The following PKIB variants were observed in gnomAD, a reference collection of about 807,000 sequenced individuals.
PKIB encodes the protein cAMP-dependent protein kinase inhibitor beta.
In PKIB, 2 loss-of-function variants were observed where a neutral mutation model predicts 4.5. That is an observed-to-expected ratio of 0.44 (90% CI 0.18 to 1.39). The LOEUF (loss-of-function observed/expected upper bound fraction) is 1.39, where lower values mean the gene tolerates loss of function less well. PKIB is among the 40% of genes most tolerant of loss of function. The pLI, the probability that PKIB is intolerant of heterozygous loss-of-function variation, is 0.27. For synonymous variants in PKIB, 38 were observed against 36.0 expected, an observed-to-expected ratio of 1.06 and a Z score of -0.20; for missense variants, 94 against 92.6, an observed-to-expected ratio of 1.02 and a Z score of -0.06.
At chr6:122,526,444 G>T (rs866282119) in intron 2 of PKIB, among the ~76,000 whole-genome samples, 10 of 152,062 alleles carry the variant, frequency 6.6e-5, no homozygotes, top group Admixed American at 2.0e-4. Flanking sequence ...AGATTTAAAT[G>T]TTGAAATTAC....
At chr6:122,506,178 C>T (rs961059013) in intron 2 of PKIB, among the ~76,000 whole-genome samples, 3 of 152,032 alleles carry the variant, frequency 2.0e-5, no homozygotes, top group African/African-American at 4.8e-5. Flanking sequence ...ACCAGTAACA[C>T]AGATGTTTTT....
intron 3 of PKIB, among the ~76,000 whole-genome samples, chr6:122,676,901 G>A (rs1255837211): frequency 6.6e-6 from 1 of 152,126 alleles, no homozygotes; most frequent in African/African-American, 2.4e-5. Flanking sequence ...TAAGTTGCCT[G>A]AACTTCCTAA....
intron 2 of PKIB, among the ~76,000 whole-genome samples, chr6:122,580,089 A>C (rs879575890): frequency 1.3e-5 from 2 of 152,154 alleles, no homozygotes; most frequent in Non-Finnish European, 2.9e-5. Flanking sequence ...CACTATTTTT[A>C]TATTTGACCT....
chr6:122,710,669 T>A (rs972171095), intron 3 of PKIB, among the ~76,000 whole-genome samples: 4 of 152,196 alleles, frequency 2.6e-5, no homozygotes, highest in Non-Finnish European at 4.4e-5. Flanking sequence ...ACTGCTCACG[T>A]GGTAAAGGTG....
Position 122,510,783 on chromosome 6 carries a change from C to T in PKIB, c.-248+32844C>T, listed in dbSNP as rs970771843. Among the ~76,000 whole-genome samples the T allele has an allele frequency of 3.9e-5, 6 of 152,240 alleles. No homozygotes were observed. The South Asian group carries it at 1.2e-3, about 32-fold the overall frequency. ...GCCACTGTTTGACCCAGATAAGGTG[C>T]TGGGTCGGGCCTGAATTGTTCCTTC... On this transcript the variant is annotated intron_variant, in intron 2 of 6. Coordinates refer to the PKIB transcript ENST00000392491.
intron 2 of PKIB, among the ~76,000 whole-genome samples, chr6:122,658,825 C>A: frequency 1.2e-5 from 1 of 85,344 alleles, no homozygotes; most frequent in Admixed American, 1.4e-4. Flanking sequence ...TTAACAGTAG[C>A]ATTTATTCAT....
At chr6:122,526,182 A>G (rs769782867) in intron 2 of PKIB, among the ~76,000 whole-genome samples, 1 of 152,022 alleles carries the variant, frequency 6.6e-6, no homozygotes, top group South Asian at 2.1e-4. Context: ...TGCTATTTTT[A>G]CCACTTTTTT....
chr6:122,553,916 G>A lies in PKIB; in HGVS notation c.-247-32005G>A, dbSNP rs191447384. Among the ~76,000 whole-genome samples, 533 of 152,250 alleles carry A rather than the reference G, an allele frequency of 3.5e-3. 4 individuals carry two copies. Among genetic ancestry groups the A allele is most frequent in the African/African-American group, 0.012 (491 of 41,548 alleles). On this transcript the variant is annotated intron_variant, in intron 2 of 6. Coordinates refer to the PKIB transcript ENST00000392491. ...GCAGCTGTCAGGCCAGCTGGAGCTT[G>A]GAGCTCTTAATAAATCATGTGAATG... is the stretch of plus-strand genomic sequence containing the variant.
intron 3 of PKIB, among the ~76,000 whole-genome samples, chr6:122,679,216 CTG>C (rs2114968554): frequency 6.6e-6 from 1 of 152,282 alleles, no homozygotes; most frequent in East Asian, 1.9e-4. Flanking sequence ...GTGCAGTGAC[CTG>C]TGTTTGGAGG....
chr6:122,527,555 T>G (rs1265577823), intron 2 of PKIB, among the ~76,000 whole-genome samples: 2 of 152,100 alleles, frequency 1.3e-5, no homozygotes, highest in Non-Finnish European at 2.9e-5. Flanking sequence ...TGAAGAGAGA[T>G]AAGGGATTAA....
intron 2 of PKIB, among the ~76,000 whole-genome samples, chr6:122,649,831 A>G (rs928239713): frequency 3.3e-5 from 5 of 152,290 alleles, no homozygotes; most frequent in African/African-American, 1.2e-4. Context: ...ACAAAGCCTC[A>G]GAGTTTGCAC....
At chr6:122,486,079 CT>C (rs1775759149) in intron 2 of PKIB, among the ~76,000 whole-genome samples, 4 of 152,202 alleles carry the variant, frequency 2.6e-5, no homozygotes, top group South Asian at 2.1e-4. Context: ...CATTACCCCC[CT>C]GACTCTAAAA....
chr6:122,584,380 A>T (rs527798777), intron 2 of PKIB, among the ~76,000 whole-genome samples: 1 of 152,150 alleles, frequency 6.6e-6, no homozygotes, highest in Non-Finnish European at 1.5e-5. Context: ...GTTGGAAATG[A>T]TAATCATAAA....
intron 2 of PKIB, among the ~76,000 whole-genome samples, chr6:122,524,715 A>G (rs547524090): frequency 2.4e-4 from 37 of 151,916 alleles, no homozygotes; most frequent in Admixed American, 6.6e-4. Flanking sequence ...TAGTTTTTAT[A>G]TGTCTAGGAA....
chr6:122,715,875 A>C (rs574162723), intron 3 of PKIB, among the ~76,000 whole-genome samples: 1 of 152,248 alleles, frequency 6.6e-6, no homozygotes, highest in Admixed American at 6.5e-5. Context: ...ATTGATTTGC[A>C]TGCCTGAGTG....
upstream of PKIB, among the ~76,000 whole-genome samples, chr6:122,608,463 A>G (rs191855042): frequency 1.3e-5 from 2 of 152,344 alleles, no homozygotes; most frequent in Non-Finnish European, 2.9e-5. Context: ...CGTGTCTAAC[A>G]TTTGCAAAAG....
At chr6:122,490,745 C>T (rs1775915384) in intron 2 of PKIB, among the ~76,000 whole-genome samples, 1 of 152,158 alleles carries the variant, frequency 6.6e-6, no homozygotes, top group Non-Finnish European at 1.5e-5. Flanking sequence ...AATTCAACCT[C>T]TTTTATTTAT....
At chr6:122,708,986 C>A (rs115405637) in intron 3 of PKIB, among the ~76,000 whole-genome samples, 1 of 152,122 alleles carries the variant, frequency 6.6e-6, no homozygotes, top group African/African-American at 2.4e-5. Flanking sequence ...TCTAGAGCCA[C>A]GTCAACACTG....
chr6:122,655,667 A>T (rs1776748501), intron 2 of PKIB, among the ~76,000 whole-genome samples: 2 of 152,230 alleles, frequency 1.3e-5, no homozygotes, highest in Admixed American at 6.5e-5. Context: ...TAGAGAAGAC[A>T]GACATAAATA....
Sources: allele counts gnomAD v4.1 joint callset (sites outside exome capture counted in the v4.1 genomes callset), GRCh38; gene constraint gnomAD v4.1.1; transcripts MANE v1.5; gene names NCBI Gene and HGNC (gene_info 2026-07-23, HGNC 2026-07-21).